PSME4: variants seen among roughly 807,000 people sequenced by gnomAD.
PSME4 encodes proteasome activator subunit 4, also known as proteasome activator complex subunit 4.
Under a neutral mutation model 253.9 loss-of-function variants are expected in PSME4, and 89 were observed. The ratio of observed to expected loss-of-function variants is 0.35; its 90% CI spans 0.30 to 0.42. The LOEUF (loss-of-function observed/expected upper bound fraction) is 0.42. PSME4 is among the 10% of genes least tolerant of loss of function. PSME4 has a pLI of 1.00. For missense variants in PSME4, 2,014 were observed against 2,195.2 expected, an observed-to-expected ratio of 0.92 and a Z score of 1.65; for synonymous variants, 851 against 759.2, an observed-to-expected ratio of 1.12 and a Z score of -1.99.
chr2:53,874,223 G>T, intron 43 of PSME4, 116 bp downstream of exon 43: 1 of 1,041,936 alleles, frequency 9.6e-7, no homozygotes, highest in Non-Finnish European at 1.4e-6. Flanking sequence ...GTCTCTCAAA[G>T]AGTTGAGGTT....
intron 1 of PSME4, among the ~76,000 whole-genome samples, chr2:53,963,989 G>C (rs894966690): frequency 6.6e-6 from 1 of 152,082 alleles, no homozygotes; most frequent in African/African-American, 2.4e-5. Context: ...TCATTATATT[G>C]TCTTTTGAAT....
In PSME4 at chr2:53,968,153, T is replaced by A. The variant is rs1337629160; in HGVS notation, c.242+2390A>T. Among the ~76,000 whole-genome samples the A allele has an allele frequency of 2.0e-5, 3 of 150,928 alleles. No homozygotes were observed. In the East Asian group the frequency reaches 5.9e-4, roughly 30 times the overall value. On this transcript the variant is annotated intron_variant, in intron 1 of 46. Transcript: ENST00000404125. Reference sequence around the variant, plus strand: ...AGCCAGGCATGGTGGCACTCGCCTATAATCCTACCTACTTGGGAGGCTGAG... The same window carrying A: ...AGCCAGGCATGGTGGCACTCGCCTAAAATCCTACCTACTTGGGAGGCTGAG...
chr2:53,885,638 T>C, intron 41 of PSME4, 52 bp downstream of exon 41: 4 of 1,346,776 alleles, frequency 3.0e-6, no homozygotes, highest in Non-Finnish European at 4.2e-6. Context: ...TGAACACAAA[T>C]TCCTTATGAA....
intron 20 of PSME4, among the ~76,000 whole-genome samples, chr2:53,914,692 C>A (rs569091414): frequency 4.6e-5 from 7 of 151,996 alleles, no homozygotes; most frequent in Non-Finnish European, 8.8e-5. Flanking sequence ...ACCAGCCCAG[C>A]CAAGATGGTG....
intron 1 of PSME4, among the ~76,000 whole-genome samples, chr2:53,949,542 T>C (rs903270920): frequency 6.6e-6 from 1 of 152,012 alleles, no homozygotes; most frequent in Non-Finnish European, 1.5e-5. Flanking sequence ...GATCCCATCA[T>C]ACTTCAGCTA....
chr2:53,924,032 G>A (rs1435642197), intron 14 of PSME4, among the ~76,000 whole-genome samples: 1 of 151,548 alleles, frequency 6.6e-6, no homozygotes, highest in African/African-American at 2.4e-5. Flanking sequence ...TGTCTTTCTG[G>A]CTAATTGAAT....
intron 41 of PSME4, 79 bp downstream of exon 41, chr2:53,885,611 C>T: frequency 3.8e-6 from 4 of 1,057,220 alleles, no homozygotes; most frequent in Non-Finnish European, 1.4e-6. Flanking sequence ...GTCTGAAGAA[C>T]TTCAACCATC....
chr2:53,903,867 A>AT (rs1553410150), intron 27 of PSME4, among the ~76,000 whole-genome samples, 158 bp downstream of exon 27: 16,024 of 127,388 alleles, frequency 0.13, 1,069 homozygotes, highest in South Asian at 0.25. Flanking sequence ...TTTGAAATAC[A>AT]TTAAAAAAAA....
chr2:53,889,149 G>A (rs974437077), intron 37 of PSME4, among the ~76,000 whole-genome samples: 5 of 152,126 alleles, frequency 3.3e-5, no homozygotes. Flanking sequence ...AAAGTTGAGA[G>A]CTAGTGCACC....
intron 1 of PSME4, among the ~76,000 whole-genome samples, chr2:53,954,822 C>G (rs1160113651): frequency 6.6e-6 from 1 of 151,092 alleles, no homozygotes; most frequent in Admixed American, 6.6e-5. Flanking sequence ...GCCTGGGTAA[C>G]AGAGAGACCT....
chr2:53,940,961 A>T (rs1224297655), intron 3 of PSME4, among the ~76,000 whole-genome samples: 701 of 45,846 alleles, frequency 0.015, 49 homozygotes, highest in African/African-American at 0.042. Flanking sequence ...ACATATATAT[A>T]TATATATATA....
chr2:53,952,832 G>C (rs1458764469), intron 1 of PSME4, among the ~76,000 whole-genome samples: 7 of 152,214 alleles, frequency 4.6e-5, no homozygotes. Flanking sequence ...CTCACCTCCT[G>C]CTGTGCAGCC....
At chr2:53,915,695 AATACT>A (rs775589480) in intron 20 of PSME4, among the ~76,000 whole-genome samples, 87 of 152,254 alleles carry the variant, frequency 5.7e-4, no homozygotes, top group Non-Finnish European at 9.0e-4. Flanking sequence ...CGGCAATCTT[AATACT>A]AAGTAATCTG....
intron 4 of PSME4, among the ~76,000 whole-genome samples, chr2:53,938,438 G>C (rs567376753): frequency 6.7e-6 from 1 of 150,330 alleles, no homozygotes; most frequent in African/African-American, 2.4e-5. Context: ...TAAATAAAGA[G>C]GATACATGTA....
chr2:53,916,929 T>C (rs1429346712), intron 20 of PSME4, among the ~76,000 whole-genome samples: 1 of 151,982 alleles, frequency 6.6e-6, no homozygotes, highest in African/African-American at 2.4e-5. Context: ...CCTGTTCATT[T>C]ATTCTTAATT....
intron 20 of PSME4, among the ~76,000 whole-genome samples, chr2:53,916,014 G>GC (rs1665517654): frequency 2.0e-5 from 3 of 152,240 alleles, no homozygotes; most frequent in African/African-American, 7.2e-5. Flanking sequence ...GGCAGAGGTT[G>GC]CAGTGAGCCA....
At chr2:53,947,660 C>T (rs367978931) in intron 3 of PSME4, among the ~76,000 whole-genome samples, 3 of 151,856 alleles carry the variant, frequency 2.0e-5, no homozygotes, top group East Asian at 3.9e-4. Flanking sequence ...GAGCTGAGAT[C>T]GCACCACTGC....
intron 12 of PSME4, 64 bp from the exon 13 acceptor site, chr2:53,926,087 A>G (rs1668544463): frequency 7.5e-7 from 1 of 1,324,768 alleles, no homozygotes. Context: ...TGAACTAACA[A>G]AACTCAATTA....
At chr2:53,950,473 T>C (rs1669921512) in intron 1 of PSME4, among the ~76,000 whole-genome samples, 1 of 152,202 alleles carries the variant, frequency 6.6e-6, no homozygotes, top group Non-Finnish European at 1.5e-5. Flanking sequence ...TAATATTTTA[T>C]CCAAAATTAC....
Sources: gnomAD v4.1 joint callset for allele counts (sites outside exome capture counted in the v4.1 genomes callset) on GRCh38, gnomAD v4.1.1 for gene constraint, MANE v1.5 for transcripts, NCBI Gene and HGNC (gene_info 2026-07-23, HGNC 2026-07-21) for gene names.